CLPX: variants seen among roughly 807,000 people sequenced by gnomAD.
CLPX encodes ATP-dependent clpX-like chaperone, mitochondrial.
A neutral mutation model predicts 76.4 loss-of-function variants in CLPX; 34 were observed. The ratio of observed to expected loss-of-function variants is 0.45; its 90% CI spans 0.34 to 0.59. The LOEUF (loss-of-function observed/expected upper bound fraction) is 0.59, where lower values mean the gene tolerates loss of function less well. Among genes scored for constraint, CLPX ranks in the 20% least tolerant of loss-of-function variants. CLPX has a pLI of 0.01. For synonymous variants in CLPX, 248 were observed against 270.9 expected (o/e 0.92, Z 0.83); for missense variants, 613 against 757.0 (o/e 0.81, Z 2.23).
rs1472047756 is a variant in CLPX at position 65,166,605 on chromosome 15, T to C, written c.513+26A>G. Reference sequence around the variant, plus strand: ...TGGAATGTTTTCAAGATAAAATACTTGTAAGACTGAGCTTAAGACTTATAC... The same window carrying C: ...TGGAATGTTTTCAAGATAAAATACTCGTAAGACTGAGCTTAAGACTTATAC... On this transcript the variant is annotated intron_variant, in intron 4 of 13. Transcript: ENST00000300107. The C allele has an allele frequency of 2.5e-6, 4 of 1,609,864 alleles. No homozygotes were observed. In the African/African-American group the frequency reaches 5.4e-5, roughly 22 times the overall value.
intron 9 of CLPX, chr15:65,156,627 TCAAAATA>T: frequency 2.1e-6 from 1 of 474,070 alleles, no homozygotes; most frequent in Non-Finnish European, 3.7e-6. Flanking sequence ...TTTCTGTTCT[TCAAAATA>T]TTTTAAATTT....
At position 65,156,252 on chromosome 15, in the gene CLPX, G is replaced by A. The variant is rs559754317; in HGVS notation, c.1147-396C>T. On this transcript the variant is annotated intron_variant, in intron 9 of 13. Coordinates refer to ENST00000300107, the MANE Select transcript of CLPX (RefSeq NM_006660.5). ...AAATTAAAATTCTATTCCACTTACA[G>A]TATTAAACTTTGAGACTACCTATAT... 2.0e-5 allele frequency among the ~76,000 whole-genome samples: 3 copies of A among 152,180 alleles called. No homozygotes were observed. In the South Asian group the frequency reaches 6.2e-4, roughly 32 times the overall value.
At chr15:65,183,787 AT>A (rs2088214918) in intron 1 of CLPX, among the ~76,000 whole-genome samples, 2 of 152,180 alleles carry the variant, frequency 1.3e-5, no homozygotes, top group Admixed American at 1.3e-4. Flanking sequence ...ACTCCACTAG[AT>A]TTAAACATGA....
At chr15:65,178,848 A>AT in intron 3 of CLPX, 86 bp downstream of exon 3, 1 of 758,056 alleles carries the variant, frequency 1.3e-6, no homozygotes, top group Non-Finnish European at 2.1e-6. Flanking sequence ...ATATTTATAC[A>AT]TTTTACATAA....
intron 6 of CLPX, 64 bp downstream of exon 6, chr15:65,162,540 A>C: frequency 9.1e-7 from 1 of 1,102,086 alleles, no homozygotes; most frequent in South Asian, 1.3e-5. Context: ...TACTGCTGAA[A>C]CACTTCACTG....
chr15:65,181,748 CAAAATAAATAAA>C (rs2088175473), intron 1 of CLPX, among the ~76,000 whole-genome samples: 1 of 110,776 alleles, frequency 9.0e-6, no homozygotes, highest in African/African-American at 3.5e-5. Flanking sequence ...GGCTCTGTCG[CAAAATAAATAAA>C]TAAATAAATA....
At chr15:65,183,234 G>A (rs1021881854) in intron 1 of CLPX, among the ~76,000 whole-genome samples, 6 of 151,522 alleles carry the variant, frequency 4.0e-5, no homozygotes, top group African/African-American at 9.7e-5. Flanking sequence ...AGGCCGAGGC[G>A]GACGGATCAC....
intron 3 of CLPX, among the ~76,000 whole-genome samples, chr15:65,167,803 G>A (rs1446709862): frequency 2.6e-5 from 4 of 151,746 alleles, no homozygotes; most frequent in South Asian, 2.1e-4. Flanking sequence ...CAGGAGAATC[G>A]CTTGAACCCA....
Position 65,180,051 on chromosome 15 carries a change from C to T in CLPX, c.233G>A (p.Gly78Glu), listed in dbSNP as rs375470505. 3 of 1,597,592 alleles carry T rather than the reference C, an allele frequency of 1.9e-6. No individual in the cohort carries two copies. In the African/African-American group the frequency reaches 4.1e-5, roughly 22 times the overall value. Residue 78 changes from glycine (G) to glutamate (E), a missense_variant, in exon 2 of 14, where the codon GGA becomes GAA. Around this residue, in one of 2 missense-constraint regions of CLPX, gnomAD observed 163 missense variants for 118.4 expected, o/e 1.38. Coordinates refer to ENST00000300107, the MANE Select transcript of CLPX (RefSeq NM_006660.5). ...ATAAGATAAAATAATTACCTTATTT[C>T]CATCTCCAGAACCATCTTTACTTAT... Reference protein sequence around the residue: ...DGISKDGSGDGNKKSASEGSS... With the variant: ...DGISKDGSGDENKKSASEGSS...
At chr15:65,169,756 T>G (rs1459764136) in intron 3 of CLPX, among the ~76,000 whole-genome samples, 1 of 151,418 alleles carries the variant, frequency 6.6e-6, no homozygotes, top group Non-Finnish European at 1.5e-5. Context: ...TGGATATATT[T>G]ACTTTTTTTT....
chr15:65,164,329 A>G (rs2087885719), intron 4 of CLPX, 141 bp from the exon 5 acceptor site: 1 of 602,082 alleles, frequency 1.7e-6, no homozygotes, highest in African/African-American at 1.9e-5. Flanking sequence ...ACAATACATT[A>G]TATAGCAATG....
rs149270152 is a variant in CLPX, at chr15:65,166,681, C to T, written c.463G>A (p.Glu155Lys). The change falls in exon 4 of 14, where the codon GAA (glutamate) becomes AAA (lysine). Residue 155 changes from glutamate (E) to lysine (K), a missense_variant. Physicochemically the swap from Glu to Lys is moderately conservative, Grantham distance 56 (BLOSUM62 1). Coordinates refer to ENST00000300107, the MANE Select transcript of CLPX (RefSeq NM_006660.5). ...SIIKEPESAA[E>K]AVKLAFQQKP... Reference sequence around the variant, plus strand: ...TGTTGGAATGCCAATTTTACAGCTTCTGCTGCTGATTCAGGTTCTTTAATT... The same window carrying T: ...TGTTGGAATGCCAATTTTACAGCTTTTGCTGCTGATTCAGGTTCTTTAATT... 1,098 of 1,614,176 alleles carry T rather than the reference C, an allele frequency of 6.8e-4. 3 individuals carry two copies. Among genetic ancestry groups the T allele is most frequent in the Non-Finnish European group, 8.7e-4 (1,030 of 1,180,014 alleles).
chr15:65,155,874 G>A lies in CLPX; in HGVS notation c.1147-18C>T. On this transcript the variant is annotated intron_variant, in intron 9 of 13. Transcript: ENST00000300107. ...AATAAGCCCTAAATAAAGAACAAATGATTTATAGCATCACCATATAAGCAC... is the reference window on the plus strand; with the variant it reads ...AATAAGCCCTAAATAAAGAACAAATAATTTATAGCATCACCATATAAGCAC... 1 of 1,589,480 alleles carries A rather than the reference G, an allele frequency of 6.3e-7. No individual in the cohort carries two copies. Among genetic ancestry groups the A allele is most frequent in the Non-Finnish European group, 8.6e-7 (1 of 1,159,818 alleles).
intron 6 of CLPX, among the ~76,000 whole-genome samples, chr15:65,160,623 T>TCTCTCTCACA (rs1219208926): frequency 2.1e-4 from 21 of 101,028 alleles, no homozygotes; most frequent in Non-Finnish European, 2.9e-4. Flanking sequence ...TCTCTCTCTC[T>TCTCTCTCACA]CACACACACA....
At chr15:65,172,089 G>A (rs565730155) in intron 3 of CLPX, among the ~76,000 whole-genome samples, 30 of 152,200 alleles carry the variant, frequency 2.0e-4, no homozygotes, top group Non-Finnish European at 3.2e-4. Context: ...TCCGCCTCCC[G>A]AGTAGCTGGG....
Position 65,158,653 on chromosome 15 carries a change from C to G in CLPX, c.814G>C (p.Gly272Arg). 6.2e-7 allele frequency: 1 copy of G among 1,613,794 alleles called. No individual in the cohort carries two copies. The highest frequency in any genetic ancestry group is 8.5e-7 in the Non-Finnish European group (1 of 1,179,828). Reference protein sequence around the residue: ...NQQIPQEKRGGEVLDSSHDDI... With the variant: ...NQQIPQEKRGREVLDSSHDDI... ...TCATGAGAAGAATCCAATACTTCAC[C>G]TCCTCGTTTTTCCTGAGGTATTTGT... The change falls in exon 7 of 14, where the codon GGT becomes CGT. Residue 272 changes from glycine (G) to arginine (R), a missense_variant. Gly to Arg is a moderately radical substitution (Grantham distance 125). Coordinates refer to ENST00000300107, the MANE Select transcript of CLPX (RefSeq NM_006660.5).
At chr15:65,156,004 G>T in intron 9 of CLPX, 148 bp from the exon 10 acceptor site, 1 of 618,434 alleles carries the variant, frequency 1.6e-6, no homozygotes, top group South Asian at 2.3e-5. Context: ...TAACTAACAA[G>T]AAAATCTAAT....
chr15:65,158,288 C>T (rs560034644), intron 7 of CLPX: 143 of 326,098 alleles, frequency 4.4e-4, no homozygotes, highest in Middle Eastern at 8.6e-4. Context: ...TCCCAAAATG[C>T]TGGGATTACA....
rs761104857 is a variant in CLPX, at chr15:65,155,773, A to T, written c.1230T>A (p.Val410=). ...SRKLRGETVQ[V]DTTNILFVAS... ...CCACAAACAGGATGTTTGTTGTATC[A>T]ACTTGAACTGTTTCTCCACGGAGCT... Residue 410 remains valine, a synonymous_variant, in exon 10 of 14, where the codon GTT becomes GTA. Coordinates refer to ENST00000300107, the MANE Select transcript of CLPX (RefSeq NM_006660.5). 1.2e-6 allele frequency: 2 copies of T among 1,614,006 alleles called. No individual in the cohort carries two copies. The highest frequency in any genetic ancestry group is 2.2e-5 in the South Asian group (2 of 91,072).
Sources: allele counts gnomAD v4.1 joint callset (sites outside exome capture counted in the v4.1 genomes callset), GRCh38; gene constraint gnomAD v4.1.1; regional missense constraint gnomAD v4.1.1; transcripts MANE v1.5; gene names NCBI Gene and HGNC (gene_info 2026-07-23, HGNC 2026-07-21).